FLYWCH1: variants seen among roughly 807,000 people sequenced by gnomAD.
FLYWCH1 encodes FLYWCH-type zinc finger-containing protein 1.
In FLYWCH1, 75 loss-of-function variants were observed where a neutral mutation model predicts 66.4. That is an observed-to-expected ratio of 1.13 (90% CI 0.94 to 1.37). The LOEUF (loss-of-function observed/expected upper bound fraction) is 1.37, where lower values mean the gene tolerates loss of function less well. Among genes scored for constraint, FLYWCH1 ranks in the 40% most tolerant of loss-of-function variants. The pLI, the probability that FLYWCH1 is intolerant of heterozygous loss-of-function variation, is 0.00. For missense variants in FLYWCH1, 1,334 were observed against 1,001.8 expected, an observed-to-expected ratio of 1.33 and a Z score of -4.48; for synonymous variants, 595 against 429.9, an observed-to-expected ratio of 1.38 and a Z score of -4.75.
intron 2 of FLYWCH1, among the ~76,000 whole-genome samples, chr16:2,924,643 CCACGCTGTGGGT>C (rs1409146346): frequency 1.3e-5 from 2 of 152,182 alleles, no homozygotes; most frequent in Non-Finnish European, 2.9e-5. Context: ...TACGCTCCTG[CCACGCTGTGGGT>C]CACGCAACCC....
At chr16:2,928,285 C>A (rs745763809) in intron 2 of FLYWCH1, among the ~76,000 whole-genome samples, 4 of 152,174 alleles carry the variant, frequency 2.6e-5, no homozygotes, top group Admixed American at 2.0e-4. Flanking sequence ...CTCTTTCACT[C>A]CTCCTCCTCA....
At chr16:2,915,242 G>C (rs1245351414) in intron 2 of FLYWCH1, 1 of 151,664 alleles carries the variant, frequency 6.6e-6, no homozygotes, top group African/African-American at 2.4e-5. Context: ...GGTAGGTTCA[G>C]TGAGTTCTGC....
At chr16:2,932,102 A>G (rs1230667854) in intron 4 of FLYWCH1, among the ~76,000 whole-genome samples, 1 of 140,274 alleles carries the variant, frequency 7.1e-6, no homozygotes, top group African/African-American at 2.7e-5. Context: ...TGGGCAAAAG[A>G]GCAAGACTCT....
At chr16:2,946,069 T>C (rs576331980) in intron 9 of FLYWCH1, among the ~76,000 whole-genome samples, 60 of 152,236 alleles carry the variant, frequency 3.9e-4, no homozygotes, top group African/African-American at 1.2e-3. Flanking sequence ...TACAATGTAT[T>C]TGTGTTTTAA....
intron 2 of FLYWCH1, among the ~76,000 whole-genome samples, chr16:2,922,054 G>C (rs1298927481): frequency 6.6e-6 from 1 of 152,094 alleles, no homozygotes; most frequent in Admixed American, 6.5e-5. Flanking sequence ...CTGGGTGACA[G>C]AGTTAAAAAA....
chr16:2,924,153 AC>A (rs1463883459), intron 2 of FLYWCH1, among the ~76,000 whole-genome samples: 2 of 151,708 alleles, frequency 1.3e-5, no homozygotes, highest in Non-Finnish European at 2.9e-5. Context: ...ACACGGTGAA[AC>A]CCCGTCTCTA....
intron 2 of FLYWCH1, among the ~76,000 whole-genome samples, chr16:2,919,450 G>A (rs954588875): frequency 6.6e-6 from 1 of 151,698 alleles, no homozygotes; most frequent in Non-Finnish European, 1.5e-5. Flanking sequence ...ATTTTTAGTA[G>A]AGACGGGGTT....
At chr16:2,946,213 C>T (rs542327342) in intron 9 of FLYWCH1, among the ~76,000 whole-genome samples, 1 of 151,384 alleles carries the variant, frequency 6.6e-6, no homozygotes, top group Non-Finnish European at 1.5e-5. Flanking sequence ...GTGTGCAGGA[C>T]ATACACTAAT....
rs538947672 is a variant in FLYWCH1 at position 2,917,658 on chromosome 16, C to T, written c.-74+3369C>T. Reference sequence around the variant, plus strand: ...GCAAACCTCAGGTGTTGCTTAGGTTCGTCGCTTAGCTGCAGTCTTCTGTTT... The same window carrying T: ...GCAAACCTCAGGTGTTGCTTAGGTTTGTCGCTTAGCTGCAGTCTTCTGTTT... On this transcript the variant is annotated intron_variant, in intron 2 of 9. Coordinates refer to ENST00000253928, the MANE Select transcript of FLYWCH1 (RefSeq NM_001308068.2). Among the ~76,000 whole-genome samples the T allele has an allele frequency of 8.5e-5, 13 of 152,224 alleles. 1 individual carries two copies. The South Asian group carries it at 1.4e-3, about 17-fold the overall frequency.
intron 2 of FLYWCH1, among the ~76,000 whole-genome samples, chr16:2,917,184 T>A (rs1402602678): frequency 6.6e-6 from 1 of 150,966 alleles, no homozygotes; most frequent in Non-Finnish European, 1.5e-5. Flanking sequence ...AAAAAATTTT[T>A]AAAAAGCCAT....
chr16:2,925,626 C>CGCTCTGCTCTGCTCTGCTCT (rs1388538687), intron 2 of FLYWCH1, among the ~76,000 whole-genome samples: 3 of 151,136 alleles, frequency 2.0e-5, no homozygotes, highest in African/African-American at 7.3e-5. Context: ...TGCCTGGAGC[C>CGCTCTGCTCTGCTCTGCTCT]GCTCTGCTCG....
Position 2,933,381 on chromosome 16 carries a change from A to C in FLYWCH1, c.1048A>C (p.Thr350Pro). The C allele has an allele frequency of 6.2e-7, 1 of 1,602,910 alleles. No homozygotes were observed. Among genetic ancestry groups the C allele is most frequent in the Non-Finnish European group, 8.5e-7 (1 of 1,175,472 alleles). Residue 350 changes from threonine (T) to proline (P), a missense_variant, in exon 5 of 10, where the codon ACG becomes CCG. Transcript: ENST00000253928. ...ARRQQEKAVETLQAGQDGPGS... is the reference protein window; with the variant it reads ...ARRQQEKAVEPLQAGQDGPGS... ...GCGGCAGCAGGAGAAGGCCGTGGAG[A>C]CGCTGCAGGCTGGGCAGGACGGCCC...
At position 2,937,137 on chromosome 16, in the gene FLYWCH1, G is replaced by A; in HGVS notation, c.1530G>A (p.Leu510=). The change falls in exon 7 of 10, where the codon CTG becomes CTA. Residue 510 remains leucine (L), a synonymous_variant. Coordinates refer to ENST00000253928, the MANE Select transcript of FLYWCH1 (RefSeq NM_001308068.2). Reference sequence around the variant, plus strand: ...TCTCAACAGGAGGCCCCGAGTTCCTGAAGACGCCCCTGGGGGGCAGCTTCC... The same window carrying A: ...TCTCAACAGGAGGCCCCGAGTTCCTAAAGACGCCCCTGGGGGGCAGCTTCC... The part of the protein sequence containing the change: ...QRGSPGGPEF[L]KTPLGGSFLV... 6.2e-7 allele frequency: 1 copy of A among 1,606,956 alleles called. No homozygotes were observed. The highest frequency in any genetic ancestry group is 1.3e-5 in the African/African-American group (1 of 74,810).
chr16:2,942,690 C>G (rs937004269), intron 9 of FLYWCH1, among the ~76,000 whole-genome samples: 5 of 77,006 alleles, frequency 6.5e-5, no homozygotes, highest in African/African-American at 3.1e-4. Context: ...AGCCTGTGTG[C>G]AAGGTTCACC....
chr16:2,935,492 C>T (rs962006776), intron 6 of FLYWCH1: 1 of 152,318 alleles, frequency 6.6e-6, no homozygotes, highest in Non-Finnish European at 1.5e-5. Flanking sequence ...TGCTTCTGGG[C>T]CTGCCTTTCT....
intron 2 of FLYWCH1, among the ~76,000 whole-genome samples, chr16:2,918,434 A>G (rs570970819): frequency 6.2e-5 from 9 of 145,960 alleles, no homozygotes; most frequent in South Asian, 2.2e-4. Flanking sequence ...GGCGTGAGCC[A>G]CCGCGCCAGG....
chr16:2,933,120 T>A lies in FLYWCH1; in HGVS notation c.797-10T>A. On this transcript the variant is annotated splice_polypyrimidine_tract_variant and intron_variant, in intron 4 of 9. Transcript: ENST00000253928. ...CCCTGGTGATGTGACCACTTGGGTC[T>A]CTCCTCTAGGACAGGCCCGGCCCCT... 2 of 1,608,692 alleles carry A rather than the reference T, an allele frequency of 1.2e-6. No homozygotes were observed. The highest frequency in any genetic ancestry group is 2.2e-5 in the East Asian group (1 of 44,810).
In FLYWCH1 at chr16:2,949,088, T is replaced by G. The variant is rs2071600520; in HGVS notation, c.*361T>G. The G allele has an allele frequency of 3.0e-6, 1 of 338,882 alleles. No homozygotes were observed. The highest frequency in any genetic ancestry group is 2.7e-5 in the South Asian group (1 of 36,470). 21.0% of individuals were successfully genotyped at this position (338,882 alleles called of 1,614,324 possible). A position where few individuals can be genotyped will look rare whatever the true frequency, so the allele number is the denominator to read the frequency against. ...CGCAGCCTTCCTAGGGCTTTCCACC[T>G]GGCGAGGCCCCGCTCTGCTCAGCAC... On this transcript the variant is annotated 3_prime_UTR_variant, in exon 10 of 10. Coordinates refer to ENST00000253928, the MANE Select transcript of FLYWCH1 (RefSeq NM_001308068.2).
chr16:2,937,480 TGCATGGTGGTCTGACA>T (rs949465084), intron 7 of FLYWCH1, 96 bp downstream of exon 7: 1 of 1,357,442 alleles, frequency 7.4e-7, no homozygotes, highest in Non-Finnish European at 9.5e-7. Flanking sequence ...TTGTGTGTTG[TGCATGGTGGTCTGACA>T]GCCGGGGCCA....
Sources: allele counts gnomAD v4.1 joint callset (sites outside exome capture counted in the v4.1 genomes callset), GRCh38; gene constraint gnomAD v4.1.1; transcripts MANE v1.5; gene names NCBI Gene and HGNC (gene_info 2026-07-23, HGNC 2026-07-21).